The following MAP3K13 variants were observed in gnomAD, a reference collection of about 807,000 sequenced individuals.
MAP3K13 encodes the protein mitogen-activated protein kinase kinase kinase 13, also known as leucine zipper-bearing kinase.
A neutral mutation model predicts 104.0 loss-of-function variants in MAP3K13; 52 were observed. That is an observed-to-expected ratio of 0.50 (90% confidence interval 0.40 to 0.63). MAP3K13 has a LOEUF of 0.63. Among genes scored for constraint, MAP3K13 ranks in the 20% least tolerant of loss-of-function variants. The pLI is 0.00. For missense variants in MAP3K13, 914 were observed against 1,218.5 expected, an observed-to-expected ratio of 0.75 and a Z score of 3.72; for synonymous variants, 394 against 442.2, an observed-to-expected ratio of 0.89 and a Z score of 1.37.
intron 2 of MAP3K13, among the ~76,000 whole-genome samples, chr3:185,309,452 C>T (rs977243628): frequency 2.0e-5 from 3 of 148,764 alleles, no homozygotes; most frequent in African/African-American, 7.5e-5. Context: ...GTCAAGGCTG[C>T]AGTGAGCAGA....
At chr3:185,344,652 C>T (rs6444052) in intron 2 of MAP3K13, among the ~76,000 whole-genome samples, 74,445 of 151,956 alleles carry the variant, frequency 0.49, 19,258 homozygotes, top group Middle Eastern at 0.64. Context: ...CACAGAGTAC[C>T]GCCTTAATCG....
chr3:185,465,921 C>T, intron 9 of MAP3K13, 58 bp downstream of exon 9: 1 of 1,175,686 alleles, frequency 8.5e-7, no homozygotes, highest in Non-Finnish European at 1.3e-6. Context: ...TCAGCAGAAA[C>T]ATACTACCCT....
intron 2 of MAP3K13, among the ~76,000 whole-genome samples, chr3:185,351,176 T>A (rs935787982): frequency 6.6e-6 from 1 of 152,062 alleles, no homozygotes; most frequent in Non-Finnish European, 1.5e-5. Flanking sequence ...ACATGGACAA[T>A]AGACATCAGG....
At chr3:185,420,608 G>C (rs747079347) in intron 1 of MAP3K13, among the ~76,000 whole-genome samples, 15 of 152,174 alleles carry the variant, frequency 9.9e-5, no homozygotes, top group Non-Finnish European at 2.1e-4. Context: ...AGCTTAGAAA[G>C]AGCTCAGTGT....
At chr3:185,471,756 G>T (rs373633931) in intron 10 of MAP3K13, among the ~76,000 whole-genome samples, 1 of 152,118 alleles carries the variant, frequency 6.6e-6, no homozygotes, top group Admixed American at 6.5e-5. Context: ...CACCACGCCC[G>T]GCCGACCTTT....
chr3:185,407,869 A>ATTTTTTTTT (rs35693572), intron 1 of MAP3K13, among the ~76,000 whole-genome samples: 3 of 69,116 alleles, frequency 4.3e-5, no homozygotes, highest in African/African-American at 5.9e-5. Context: ...AATTTTGAGA[A>ATTTTTTTTT]TTTTTTTTTT....
chr3:185,385,187 G>C (rs1021648649), intron 1 of MAP3K13, among the ~76,000 whole-genome samples: 2 of 152,074 alleles, frequency 1.3e-5, no homozygotes, highest in Admixed American at 6.5e-5. Flanking sequence ...GTCTCACTCT[G>C]TCTCTCAGGC....
At chr3:185,284,268 A>G (rs1411175701) in intron 1 of MAP3K13, among the ~76,000 whole-genome samples, 1 of 152,230 alleles carries the variant, frequency 6.6e-6, no homozygotes, top group African/African-American at 2.4e-5. Context: ...TCCATTATAA[A>G]AATGAAAATA....
chr3:185,372,339 G>T (rs2108750724), intron 1 of MAP3K13, among the ~76,000 whole-genome samples: 1 of 152,160 alleles, frequency 6.6e-6, no homozygotes, highest in African/African-American at 2.4e-5. Flanking sequence ...TGGCCATTTT[G>T]GAGTAGGATT....
At position 185,450,125 on chromosome 3, in the gene MAP3K13, G is replaced by C; in HGVS notation, c.1169+67G>C. 4 of 1,423,398 alleles carry C rather than the reference G, an allele frequency of 2.8e-6. No individual in the cohort carries two copies. The highest frequency in any genetic ancestry group is 3.8e-6 in the Non-Finnish European group (4 of 1,066,494). The allele number at this position is 1,423,398 out of a possible 1,614,324, so 88.2% of individuals were successfully genotyped here. A position where few individuals can be genotyped will look rare whatever the true frequency, so the allele number is the denominator to read the frequency against. On this transcript the variant is annotated intron_variant, in intron 6 of 13. Coordinates refer to ENST00000265026, the MANE Select transcript of MAP3K13 (RefSeq NM_004721.5). The surrounding 1 kb of genome is among the most constrained non-coding windows in gnomAD (Gnocchi z 4.2). Reference sequence around the variant, plus strand: ...TGTATTTGGAGTAAATATCCTGGTGGTGGAAAGAATAGGAGCTTTGGAGTA... The same window carrying C: ...TGTATTTGGAGTAAATATCCTGGTGCTGGAAAGAATAGGAGCTTTGGAGTA...
chr3:185,397,232 A>C (rs1712480200), intron 1 of MAP3K13, among the ~76,000 whole-genome samples: 1 of 152,198 alleles, frequency 6.6e-6, no homozygotes, highest in Non-Finnish European at 1.5e-5. Context: ...ATCCTATTCC[A>C]TTATTGGATT....
intron 12 of MAP3K13, among the ~76,000 whole-genome samples, chr3:185,477,681 C>T (rs187646931): frequency 6.6e-6 from 1 of 152,254 alleles, no homozygotes; most frequent in Admixed American, 6.5e-5. Context: ...TGACAGATGG[C>T]CATGCTGTTT....
intron 1 of MAP3K13, among the ~76,000 whole-genome samples, chr3:185,397,963 G>A (rs1160469700): frequency 6.6e-6 from 1 of 152,152 alleles, no homozygotes; most frequent in East Asian, 1.9e-4. Flanking sequence ...AAGGGAACTG[G>A]CAACCTTTCT....
At chr3:185,413,788 C>T (rs1713586014) in intron 1 of MAP3K13, among the ~76,000 whole-genome samples, 1 of 152,164 alleles carries the variant, frequency 6.6e-6, no homozygotes. Flanking sequence ...TGCCACTGCA[C>T]TCCAGCCTGG....
Position 185,477,428 on chromosome 3 carries a change from A to G in MAP3K13, c.2501+32A>G, listed in dbSNP as rs1476507236. 4 of 1,553,256 alleles carry G rather than the reference A, an allele frequency of 2.6e-6. No homozygotes were observed. In the African/African-American group the frequency reaches 5.4e-5, roughly 21 times the overall value. ...CCAACAAATGCACACGATTGCTTTTAGTGGAATGGGGAAAAAAAATCCTAA... is the reference window on the plus strand; with the variant it reads ...CCAACAAATGCACACGATTGCTTTTGGTGGAATGGGGAAAAAAAATCCTAA... On this transcript the variant is annotated intron_variant, in intron 12 of 13. Coordinates refer to ENST00000265026, the MANE Select transcript of MAP3K13 (RefSeq NM_004721.5).
rs1046350781 is a variant in MAP3K13 at position 185,483,446 on chromosome 3, G to A, written c.*990G>A. On this transcript the variant is annotated 3_prime_UTR_variant, in exon 14 of 14. Transcript: ENST00000265026. ...GGGCAGTACTGAGGAGGAGAAAAGG[G>A]TGAGAGAGGAAGAACATCTACAGTG... is the stretch of plus-strand genomic sequence containing the variant. 4.3e-6 allele frequency: 1 copy of A among 230,818 alleles called. No individual in the cohort carries two copies. The highest frequency in any genetic ancestry group is 2.2e-5 in the African/African-American group (1 of 45,168). The allele number at this position is 230,818 out of a possible 1,614,324, so 14.3% of individuals were successfully genotyped here.
At chr3:185,478,321 G>C (rs1041958995) in intron 12 of MAP3K13, among the ~76,000 whole-genome samples, 1 of 152,070 alleles carries the variant, frequency 6.6e-6, no homozygotes, top group Admixed American at 6.5e-5. Flanking sequence ...TTCTGTTCTT[G>C]AAGAGTAATG....
At position 185,342,098 on chromosome 3, in the gene MAP3K13, C is replaced by T. The variant is rs938856944; in HGVS notation, c.-86+56455C>T. Among the ~76,000 whole-genome samples, 3 of 152,228 alleles carry T rather than the reference C, an allele frequency of 2.0e-5. No homozygotes were observed. The South Asian group carries it at 6.2e-4, about 32-fold the overall frequency. On this transcript the variant is annotated intron_variant, in intron 2 of 14. Transcript: ENST00000424227. ...AGTAACCAAGGCCTCCTGCAAACAGCCATGTGAGTGAACAATTTTGGAAGT... is the reference window on the plus strand; with the variant it reads ...AGTAACCAAGGCCTCCTGCAAACAGTCATGTGAGTGAACAATTTTGGAAGT...
chr3:185,372,376 A>C (rs1230427972), intron 1 of MAP3K13, among the ~76,000 whole-genome samples: 1 of 152,208 alleles, frequency 6.6e-6, no homozygotes, highest in Non-Finnish European at 1.5e-5. Context: ...CTAAGAAAAA[A>C]TAATAGATCA....
Sources: gnomAD v4.1 joint callset for allele counts (sites outside exome capture counted in the v4.1 genomes callset) on GRCh38, gnomAD v4.1.1 for gene constraint, Gnocchi (gnomAD v3.1) non-coding constraint, MANE v1.5 for transcripts, NCBI Gene and HGNC (gene_info 2026-07-23, HGNC 2026-07-21) for gene names.